Variants in POU2F2 observed in about 807,000 individuals in gnomAD.
POU2F2 encodes POU class 2 homeobox 2.
POU2F2 carries 14 observed loss-of-function variants against 63.5 expected under a neutral mutation model. The observed-to-expected ratio is 0.22, with a 90% CI of 0.15 to 0.34. The LOEUF (loss-of-function observed/expected upper bound fraction) is 0.34, where lower values mean the gene tolerates loss of function less well. Among genes scored for constraint, POU2F2 ranks in the 10% least tolerant of loss-of-function variants. The pLI, the probability that POU2F2 is intolerant of heterozygous loss-of-function variation, is 1.00. For synonymous variants in POU2F2, 306 were observed against 348.6 expected (o/e 0.88, Z 1.36); for missense variants, 607 against 815.2 (o/e 0.74, Z 3.11).
chr19:42,126,951 CT>C (rs946560787), intron 1 of POU2F2, among the ~76,000 whole-genome samples: 6 of 152,044 alleles, frequency 3.9e-5, no homozygotes, highest in African/African-American at 1.4e-4. Flanking sequence ...GAGTCTTGCT[CT>C]GTCGGCCAGG....
At chr19:42,097,192 G>GTTTTT (rs778449653) in intron 7 of POU2F2, among the ~76,000 whole-genome samples, 4 of 117,752 alleles carry the variant, frequency 3.4e-5, no homozygotes, top group South Asian at 2.9e-4. Context: ...GAATTTTTCA[G>GTTTTT]TTTTTTTTTT....
In POU2F2 at chr19:42,088,658, C is replaced by G. The variant is rs1179543801; in HGVS notation, c.*2599G>C. On this transcript the variant is annotated 3_prime_UTR_variant, in exon 15 of 15. Transcript: ENST00000692977. Reference sequence around the variant, plus strand: ...TGTCCTTCCTATTTGGTCAGGAGCCCTTGGCCCCCTCTCCACCCTTGGGCT... The same window carrying G: ...TGTCCTTCCTATTTGGTCAGGAGCCGTTGGCCCCCTCTCCACCCTTGGGCT... The G allele has an allele frequency of 6.6e-6, 1 of 152,528 alleles. No individual in the cohort carries two copies. The allele number at this position is 152,528 out of a possible 1,614,324, so 9.4% of individuals were successfully genotyped here. A position where few individuals can be genotyped will look rare whatever the true frequency, so the allele number is the denominator to read the frequency against.
At position 42,093,881 on chromosome 19, in the gene POU2F2, C is replaced by T. The variant is rs1173359909; in HGVS notation, c.1212G>A (p.Gly404=). 2 of 1,611,674 alleles carry T rather than the reference C, an allele frequency of 1.2e-6. No homozygotes were observed. Among genetic ancestry groups the T allele is most frequent in the African/African-American group, 2.7e-5 (2 of 75,046 alleles). Residue 404 remains glycine (G), a synonymous_variant, in exon 12 of 15, where the codon GGG becomes GGA. Transcript: ENST00000692977. ...SYSPHMVTPQ[G]GAGTLPLSQA... ...GGGACAACGGTAAGGTCCCCGCGCCCCCTTGGGGTGTGACCTGAGGAGAGA... is the reference window on the plus strand; with the variant it reads ...GGGACAACGGTAAGGTCCCCGCGCCTCCTTGGGGTGTGACCTGAGGAGAGA...
intron 1 of POU2F2, among the ~76,000 whole-genome samples, chr19:42,170,231 G>A (rs903398339): frequency 7.2e-5 from 11 of 151,834 alleles, no homozygotes; most frequent in Non-Finnish European, 1.5e-4. Flanking sequence ...TCCATGCTCC[G>A]AGGGAGATGC....
intron 5 of POU2F2, among the ~76,000 whole-genome samples, chr19:42,114,032 CAGAAAG>C (rs983179599): frequency 6.6e-6 from 1 of 152,030 alleles, no homozygotes; most frequent in Non-Finnish European, 1.5e-5. Flanking sequence ...TTGTTGAAGA[CAGAAAG>C]GGAAAGATCA....
chr19:42,135,429 AGCAGGAAAACAGGATGATAGGGGTG>A (rs1022393684), upstream of POU2F2, among the ~76,000 whole-genome samples: 18 of 152,088 alleles, frequency 1.2e-4, no homozygotes, highest in East Asian at 1.9e-4. Flanking sequence ...GACCCAAACA[AGCAGGAAAACAGGATGATAGGGGTG>A]GCAGGAAAAC....
chr19:42,173,067 A>G (rs1200733374), intron 1 of POU2F2, among the ~76,000 whole-genome samples: 3 of 152,068 alleles, frequency 2.0e-5, no homozygotes, highest in Non-Finnish European at 4.4e-5. Context: ...TGTGAGAGCG[A>G]GGTGGGTGTA....
rs2076868861 is a variant in POU2F2, at chr19:42,095,147, A to C, written c.1197+139T>G. On this transcript the variant is annotated intron_variant, in intron 11 of 14. Transcript: ENST00000692977. The surrounding 1 kb of genome is among the most constrained non-coding windows in gnomAD (Gnocchi z 7.1). ...AAACCGTCCCTGTGTAACTGTGCCC[A>C]TCTACGTGATGGCCTGTCTCCAAGA... 4 of 1,121,538 alleles carry C rather than the reference A, an allele frequency of 3.6e-6. No individual in the cohort carries two copies. The highest frequency in any genetic ancestry group is 1.6e-5 in the African/African-American group (1 of 63,276). The allele number at this position is 1,121,538 out of a possible 1,614,324, so 69.5% of individuals were successfully genotyped here.
At chr19:42,140,281 C>T (rs532319626) in intron 2 of POU2F2, among the ~76,000 whole-genome samples, 4 of 152,344 alleles carry the variant, frequency 2.6e-5, no homozygotes, top group Admixed American at 6.5e-5. Flanking sequence ...TCCCACTGGG[C>T]GCAGCACCAA....
chr19:42,145,804 C>T (rs2034218012), intron 2 of POU2F2, among the ~76,000 whole-genome samples: 1 of 152,082 alleles, frequency 6.6e-6, no homozygotes, highest in Non-Finnish European at 1.5e-5. Flanking sequence ...CATGGTGGCA[C>T]ACACCTGTAA....
intron 1 of POU2F2, among the ~76,000 whole-genome samples, chr19:42,129,903 T>G (rs2033550784): frequency 6.6e-6 from 1 of 152,196 alleles, no homozygotes; most frequent in African/African-American, 2.4e-5. Flanking sequence ...ACACACCCCA[T>G]GGCCACAGCC....
At chr19:42,194,893 AAGGGAGGG>A (rs1427421359) in intron 1 of POU2F2, among the ~76,000 whole-genome samples, 1 of 117,932 alleles carries the variant, frequency 8.5e-6, no homozygotes, top group East Asian at 2.7e-4. Flanking sequence ...GGAAGGAAGA[AAGGGAGGG>A]AGGGAAGGAG....
chr19:42,174,773 C>T (rs1053979610), intron 1 of POU2F2, among the ~76,000 whole-genome samples: 1 of 151,974 alleles, frequency 6.6e-6, no homozygotes, highest in African/African-American at 2.4e-5. Context: ...CACCAGCCCC[C>T]CACTGCACAC....
intron 2 of POU2F2, among the ~76,000 whole-genome samples, chr19:42,145,297 C>T (rs563954591): frequency 3.3e-5 from 5 of 152,280 alleles, no homozygotes; most frequent in African/African-American, 1.2e-4. Flanking sequence ...CTGCCTTGGC[C>T]TCTCTCAGCC....
In POU2F2 at chr19:42,095,688, T is replaced by C. The variant is rs1271196022; in HGVS notation, c.877A>G (p.Met293Val). Residue 293 changes from methionine to valine, a missense_variant, in exon 10 of 15, where the codon ATG becomes GTG. Met to Val is a conservative substitution (Grantham distance 21). Coordinates refer to ENST00000692977, the MANE Select transcript of POU2F2 (RefSeq NM_001394376.1). This position sits in a 1 kb window ranked among gnomAD's most constrained non-coding sequence, Gnocchi z 7.1. ...CTGGGCAGGCTTGAGTCCACAGACA[T>C]AGTCTCTGTGCGCCGGGGGAGACGT... Reference protein sequence around the residue: ...LEKWLNDAETMSVDSSLPSPN... With the variant: ...LEKWLNDAETVSVDSSLPSPN... The C allele has an allele frequency of 8.1e-6, 13 of 1,611,720 alleles. No individual in the cohort carries two copies. Among genetic ancestry groups the C allele is most frequent in the African/African-American group, 1.3e-5 (1 of 74,900 alleles).
intron 1 of POU2F2, among the ~76,000 whole-genome samples, chr19:42,173,195 C>T (rs1015077399): frequency 6.6e-6 from 1 of 152,160 alleles, no homozygotes; most frequent in Admixed American, 6.5e-5. Context: ...GCCTTACACC[C>T]ACTCTGTCTT....
chr19:42,129,862 G>T (rs2033547736), intron 1 of POU2F2, among the ~76,000 whole-genome samples: 1 of 152,218 alleles, frequency 6.6e-6, no homozygotes, highest in Admixed American at 6.5e-5. Flanking sequence ...CCCCACAGCT[G>T]CGCTGACAGC....
rs756019026 is a variant in POU2F2 at position 42,086,417 on chromosome 19, C to T, written c.*4840G>A. On this transcript the variant is annotated 3_prime_UTR_variant, in exon 15 of 15. Transcript: ENST00000692977. ...TTTCTGGATGCCGGTTCCTGGGCAC[C>T]CTTGCCTTGTACTTGCCACCCCCTC... 1 of 152,122 alleles carries T rather than the reference C, an allele frequency of 6.6e-6. No homozygotes were observed. Among genetic ancestry groups the T allele is most frequent in the Non-Finnish European group, 1.5e-5 (1 of 68,056 alleles). 9.4% of individuals were successfully genotyped at this position (152,122 alleles called of 1,614,324 possible). A position where few individuals can be genotyped will look rare whatever the true frequency, so the allele number is the denominator to read the frequency against.
At chr19:42,129,036 TTGGGCAGGC>T (rs2033461049) in intron 1 of POU2F2, among the ~76,000 whole-genome samples, 1 of 152,130 alleles carries the variant, frequency 6.6e-6, no homozygotes, top group Non-Finnish European at 1.5e-5. Context: ...TTTCACCATG[TTGGGCAGGC>T]TGGTCTCGAA....
Sources: allele counts gnomAD v4.1 joint callset (sites outside exome capture counted in the v4.1 genomes callset), GRCh38; gene constraint gnomAD v4.1.1; non-coding constraint Gnocchi (gnomAD v3.1); transcripts MANE v1.5; gene names NCBI Gene and HGNC (gene_info 2026-07-23, HGNC 2026-07-21).